COL4A2: variants seen among roughly 807,000 people sequenced by gnomAD.
The protein encoded by COL4A2 is collagen alpha-2(IV) chain.
COL4A2 carries 99 observed loss-of-function variants against 200.2 expected under a neutral mutation model. The ratio of observed to expected loss-of-function variants is 0.49; its 90% confidence interval spans 0.42 to 0.58. The LOEUF is 0.58. Among genes scored for constraint, COL4A2 ranks in the 20% least tolerant of loss-of-function variants. COL4A2 has a pLI of 0.00. For synonymous variants in COL4A2, 897 were observed against 900.6 expected (o/e 1.00, Z 0.07); for missense variants, 1,950 against 2,314.1 (o/e 0.84, Z 3.23).
At chr13:110,362,587 C>A (rs1262657632) in intron 4 of COL4A2, among the ~76,000 whole-genome samples, 1 of 152,034 alleles carries the variant, frequency 6.6e-6, no homozygotes, top group Admixed American at 6.5e-5. Context: ...TCCCAAACTT[C>A]TGGGATTACA....
intron 18 of COL4A2, among the ~76,000 whole-genome samples, chr13:110,447,671 A>G (rs9555699): frequency 0.43 from 64,970 of 152,082 alleles, 14,151 homozygotes; most frequent in South Asian, 0.49. Flanking sequence ...ATTTCAGCCC[A>G]TCTTGTTCAC....
intron 4 of COL4A2, among the ~76,000 whole-genome samples, chr13:110,378,260 T>C (rs1878325244): frequency 6.6e-6 from 1 of 152,232 alleles, no homozygotes; most frequent in Admixed American, 6.5e-5. Flanking sequence ...AAGGATTTGC[T>C]GCTCAAATCA....
At chr13:110,322,042 C>T (rs1052077819) in intron 3 of COL4A2, among the ~76,000 whole-genome samples, 1 of 152,192 alleles carries the variant, frequency 6.6e-6, no homozygotes, top group African/African-American at 2.4e-5. Context: ...CCTTTTTAAG[C>T]CCCAGTAACA....
chr13:110,416,630 A>T (rs1880050965), intron 4 of COL4A2, among the ~76,000 whole-genome samples: 1 of 152,248 alleles, frequency 6.6e-6, no homozygotes, highest in Admixed American at 6.5e-5. Flanking sequence ...CACTGATACT[A>T]TGGGTGGGGA....
intron 28 of COL4A2, among the ~76,000 whole-genome samples, chr13:110,469,926 TTTTA>T (rs1375075558): frequency 2.0e-5 from 3 of 148,458 alleles, no homozygotes; most frequent in Non-Finnish European, 4.5e-5. Context: ...TTTTTTTTTT[TTTTA>T]ATGAAATGGA....
At chr13:110,347,220 A>G (rs11843387) in intron 3 of COL4A2, among the ~76,000 whole-genome samples, 4,868 of 152,288 alleles carry the variant, frequency 0.032, 246 homozygotes, top group African/African-American at 0.11. Flanking sequence ...AGCCCAGGAC[A>G]AGGCATTTCC....
At chr13:110,359,448 C>T (rs1877425653) in intron 4 of COL4A2, among the ~76,000 whole-genome samples, 1 of 152,168 alleles carries the variant, frequency 6.6e-6, no homozygotes, top group Non-Finnish European at 1.5e-5. Flanking sequence ...TGTATCTACC[C>T]TAGGACACAT....
chr13:110,372,022 CCT>C (rs35731878), intron 4 of COL4A2, among the ~76,000 whole-genome samples: 1 of 151,300 alleles, frequency 6.6e-6, no homozygotes, highest in South Asian at 2.1e-4. Flanking sequence ...ATTCCGCTCA[CCT>C]CTCTCTCTCT....
chr13:110,389,084 T>A (rs1257423946), intron 4 of COL4A2, among the ~76,000 whole-genome samples: 1 of 152,062 alleles, frequency 6.6e-6, no homozygotes, highest in Admixed American at 6.5e-5. Flanking sequence ...TTTGGTTGGG[T>A]TTATAAAGGC....
chr13:110,485,429 A>G (rs552836672), intron 33 of COL4A2, among the ~76,000 whole-genome samples: 2 of 149,770 alleles, frequency 1.3e-5, no homozygotes, highest in African/African-American at 4.9e-5. Context: ...AGGCTGAGGC[A>G]GGAGAATGGC....
chr13:110,372,466 T>C (rs1392482068), intron 4 of COL4A2, among the ~76,000 whole-genome samples: 1 of 152,222 alleles, frequency 6.6e-6, no homozygotes, highest in African/African-American at 2.4e-5. Flanking sequence ...GGAATTTGTC[T>C]TGTGTTATTT....
chr13:110,360,713 A>G (rs1247251921), intron 4 of COL4A2, among the ~76,000 whole-genome samples: 2 of 152,224 alleles, frequency 1.3e-5, no homozygotes, highest in Admixed American at 1.3e-4. Flanking sequence ...CAGACGGGTT[A>G]TCAACACTGA....
chr13:110,394,756 A>G (rs1460975738), intron 4 of COL4A2, among the ~76,000 whole-genome samples: 1 of 152,144 alleles, frequency 6.6e-6, no homozygotes. Context: ...TGCCTTTGCT[A>G]GAGTGAGATG....
At chr13:110,308,579 G>A (rs1236532042) in intron 3 of COL4A2, among the ~76,000 whole-genome samples, 1 of 152,180 alleles carries the variant, frequency 6.6e-6, no homozygotes, top group Non-Finnish European at 1.5e-5. Flanking sequence ...GTAAAGGGGC[G>A]GGGCGAGGAG....
intron 4 of COL4A2, among the ~76,000 whole-genome samples, chr13:110,370,269 T>G (rs1379791856): frequency 3.9e-5 from 6 of 152,232 alleles, no homozygotes; most frequent in African/African-American, 1.4e-4. Context: ...TGTTTTGTTT[T>G]GTTTTGTTTT....
rs1300248308 is a variant in COL4A2, at chr13:110,419,244, A to AT, written c.181-5488dup. Among the ~76,000 whole-genome samples the AT allele has an allele frequency of 8.5e-5, 13 of 152,292 alleles. No homozygotes were observed. In the East Asian group the frequency reaches 1.3e-3, roughly 16 times the overall value. On this transcript the variant is annotated intron_variant, in intron 4 of 47. Transcript: ENST00000360467. Reference sequence around the variant, plus strand: ...TAGGAAGGAGAAGGGATTTCCTACTATTCAGATTTCGGCTGGTAAGTCATG... The same window carrying AT: ...TAGGAAGGAGAAGGGATTTCCTACTATTTCAGATTTCGGCTGGTAAGTCATG...
In COL4A2 at chr13:110,481,850, C is replaced by T. The variant is rs72485650; in HGVS notation, c.2759-666C>T. 1.4e-4 allele frequency among the ~76,000 whole-genome samples: 8 copies of T among 57,618 alleles called. 2 individuals are homozygous for T. The highest frequency in any genetic ancestry group is 6.1e-4 in the African/African-American group (4 of 6,514). The allele number at this position is 57,618 out of a possible 152,430, so 37.8% of individuals were successfully genotyped here. On this transcript the variant is annotated intron_variant, in intron 31 of 47. Coordinates refer to ENST00000360467, the MANE Select transcript of COL4A2 (RefSeq NM_001846.4). ...TCCCTCCGTTGCTGGAGACACACTG[C>T]TCTGTCCCTCCGTGCTGGAGACACA...
chr13:110,465,460 C>T lies in COL4A2; in HGVS notation c.1832C>T (p.Thr611Met), dbSNP rs373521529. ...GDPGYPGIPG[T>M]KGTPGEMGPP... ...CCAGGCTATCCAGGAATACCTGGAA[C>T]GAAGGGTACTCCAGGAGAAATGGGC... The change falls in exon 25 of 48, where the codon ACG becomes ATG. Residue 611 changes from threonine to methionine, a missense_variant. By Grantham distance (81) the Thr-to-Met change is moderately conservative. Coordinates refer to ENST00000360467, the MANE Select transcript of COL4A2 (RefSeq NM_001846.4). 78 of 1,613,796 alleles carry T rather than the reference C, an allele frequency of 4.8e-5. No individual in the cohort carries two copies. Among genetic ancestry groups the T allele is most frequent in the Middle Eastern group, 1.7e-4 (1 of 6,050 alleles).
intron 4 of COL4A2, among the ~76,000 whole-genome samples, chr13:110,401,537 A>G (rs1251796800): frequency 6.6e-6 from 1 of 152,240 alleles, no homozygotes; most frequent in Non-Finnish European, 1.5e-5. Context: ...ATTTTGTTTT[A>G]GAAGAACTTT....
Sources: allele counts gnomAD v4.1 joint callset (sites outside exome capture counted in the v4.1 genomes callset), GRCh38; gene constraint gnomAD v4.1.1; transcripts MANE v1.5; gene names NCBI Gene and HGNC (gene_info 2026-07-23, HGNC 2026-07-21).